Variants in PLEC observed in about 807,000 individuals in gnomAD.
The protein encoded by PLEC is plectin, also known as hemidesmosomal protein 1.
PLEC carries 216 observed loss-of-function variants against 392.8 expected under a neutral mutation model. The ratio of observed to expected loss-of-function variants is 0.55; its 90% confidence interval spans 0.49 to 0.62. The LOEUF is 0.62. PLEC is among the 20% of genes least tolerant of loss of function. The pLI, the probability that PLEC is intolerant of heterozygous loss-of-function variation, is 0.00. For synonymous variants in PLEC, 3,621 were observed against 2,980.6 expected (o/e 1.21, Z -7.00); for missense variants, 6,863 against 6,563.4 (o/e 1.05, Z -1.58).
chr8:143,923,116 C>T lies in PLEC; in HGVS notation c.6813G>A (p.Glu2271=). The T allele has an allele frequency of 6.2e-7, 1 of 1,605,172 alleles. No individual in the cohort carries two copies. The highest frequency in any genetic ancestry group is 8.5e-7 in the Non-Finnish European group (1 of 1,179,890). Residue 2271 remains glutamate (E), a synonymous_variant, in exon 31 of 32, where the codon GAG becomes GAA. Coordinates refer to ENST00000345136, the MANE Select transcript of PLEC (RefSeq NM_201384.3). ...NTQRFLQEEA[E]KMKQVAEEAA... Reference sequence around the variant, plus strand: ...CCTCCTCCGCCACCTGCTTCATCTTCTCAGCCTCCTCCTGCAGGAAGCGCT... The same window carrying T: ...CCTCCTCCGCCACCTGCTTCATCTTTTCAGCCTCCTCCTGCAGGAAGCGCT...
At chr8:143,973,530 G>A (rs1833544401), upstream of PLEC, 2 of 1,201,840 alleles carry the variant, frequency 1.7e-6, no homozygotes, top group Non-Finnish European at 2.1e-6. The surrounding 1 kb of genome is among the most constrained non-coding windows in gnomAD (Gnocchi z 5.6). Flanking sequence ...CGGCCACTCT[G>A]TCCCCGCGGC....
intron 11 of PLEC, 83 bp downstream of exon 11, chr8:143,934,235 G>C: frequency 1.3e-6 from 2 of 1,595,598 alleles, no homozygotes; most frequent in Non-Finnish European, 1.7e-6. Flanking sequence ...CCCCCGCCGG[G>C]GGCGGGGCGG....
intron 1 of PLEC, among the ~76,000 whole-genome samples, chr8:143,966,668 A>G (rs989629624): frequency 3.3e-5 from 5 of 152,052 alleles, no homozygotes; most frequent in African/African-American, 1.2e-4. Context: ...TACAAAAGTG[A>G]AGCAACACAT....
In PLEC at chr8:143,930,233, C is replaced by A; in HGVS notation, c.2523G>T (p.Val841=). 1 of 1,594,768 alleles carries A rather than the reference C, an allele frequency of 6.3e-7. No individual in the cohort carries two copies. The highest frequency in any genetic ancestry group is 8.5e-7 in the Non-Finnish European group (1 of 1,175,932). Residue 841 remains valine (V), a synonymous_variant, in exon 21 of 32, where the codon GTG becomes GTT. Transcript: ENST00000345136. ...VGPAQPSHWK[V]LSSSGSEAAV... Reference sequence around the variant, plus strand: ...CGGCCTCGCTGCCGGAGCTGCTGAGCACCTTCCAGTGGGACGGCTGTGCAG... The same window carrying A: ...CGGCCTCGCTGCCGGAGCTGCTGAGAACCTTCCAGTGGGACGGCTGTGCAG...
upstream of PLEC, chr8:143,975,298 G>A: frequency 1.2e-6 from 2 of 1,610,388 alleles, no homozygotes; most frequent in Non-Finnish European, 1.7e-6. The surrounding 1 kb of genome is among the most constrained non-coding windows in gnomAD (Gnocchi z 9.9). Context: ...TGTCCCCAGG[G>A]CTGGGCGAGC....
chr8:143,926,936 C>A (rs1554706231), intron 29 of PLEC, 41 bp downstream of exon 29: 8 of 1,605,002 alleles, frequency 5.0e-6, no homozygotes, highest in Non-Finnish European at 6.0e-6. Flanking sequence ...CAGCCAGAGG[C>A]CTGCCAGCCC....
intron 12 of PLEC, 50 bp from the exon 13 acceptor site, chr8:143,933,401 T>C (rs1180093104): frequency 1.9e-6 from 3 of 1,600,852 alleles, no homozygotes; most frequent in African/African-American, 1.3e-5. Context: ...CCCTCTGACC[T>C]CACAGGGGCC....
intron 6 of PLEC, 104 bp from the exon 7 acceptor site, chr8:143,935,417 AC>A: frequency 2.6e-6 from 2 of 778,768 alleles, no homozygotes; most frequent in East Asian, 2.6e-5. Flanking sequence ...GCAACCATGG[AC>A]CCCCCCAACA....
chr8:143,939,639 G>C, upstream of PLEC: 2 of 1,423,652 alleles, frequency 1.4e-6, no homozygotes, highest in Non-Finnish European at 1.8e-6. Flanking sequence ...TCCCCGGCGA[G>C]GCCGGCCCGC....
chr8:143,970,018 T>C (rs1199513579), intron 1 of PLEC, among the ~76,000 whole-genome samples: 1 of 152,040 alleles, frequency 6.6e-6, no homozygotes, highest in Non-Finnish European at 1.5e-5. Flanking sequence ...CAGGACCCCT[T>C]GCCAGCCCTG....
At position 143,950,588 on chromosome 8, in the gene PLEC, A is replaced by G. The variant is rs555539963; in HGVS notation, c.119T>C (p.Val40Ala). ...GACCTGCAGGTTGGTGACGCCGGGC[A>G]CATGGGGGTGCAAGCTGCGGGGCCG... The change falls in exon 1 of 32, where the codon GTG becomes GCG. Residue 40 changes from valine (V) to alanine (A), a missense_variant. By Grantham distance (64) the Val-to-Ala change is moderately conservative. Coordinates refer to the PLEC transcript ENST00000322810. 3.1e-6 allele frequency: 5 copies of G among 1,608,156 alleles called. No individual in the cohort carries two copies. The East Asian group carries it at 1.1e-4, about 36-fold the overall frequency.
In PLEC at chr8:143,934,329, G is replaced by C. The variant is rs201667254; in HGVS notation, c.1158C>G (p.Ser386Arg). 1.1e-3 allele frequency: 1,842 copies of C among 1,612,180 alleles called. 6 individuals carry two copies. The highest frequency in any genetic ancestry group is 4.8e-3 in the Middle Eastern group (29 of 6,000). Residue 386 changes from serine to arginine, a missense_variant, in exon 11 of 32, where the codon AGC becomes AGG. Coordinates refer to ENST00000345136, the MANE Select transcript of PLEC (RefSeq NM_201384.3). ...AGGGCCCCACCCACCTCTCAAACTC[G>C]CTGCGGAGCTGCTTCTCCCGCTCCA... The part of the protein sequence containing the change: ...AILEREKQLR[S>R]EFERLECLQR...
chr8:143,930,096 C>T (rs781787635), intron 21 of PLEC, 34 bp from the exon 22 acceptor site: 74 of 1,602,402 alleles, frequency 4.6e-5, no homozygotes, highest in East Asian at 2.7e-4. Flanking sequence ...GCGTCACCAG[C>T]GCCCCACCCG....
Position 143,973,133 on chromosome 8 carries a change from G to A in PLEC, c.70+270C>T, listed in dbSNP as rs1833513641. Among the ~76,000 whole-genome samples, 1 of 152,126 alleles carries A rather than the reference G, an allele frequency of 6.6e-6. No homozygotes were observed. Among genetic ancestry groups the A allele is most frequent in the Non-Finnish European group, 1.5e-5 (1 of 67,994 alleles). On this transcript the variant is annotated intron_variant, in intron 1 of 31. Coordinates refer to the PLEC transcript ENST00000356346. The surrounding 1 kb of genome is among the most constrained non-coding windows in gnomAD (Gnocchi z 5.6). Reference sequence around the variant, plus strand: ...GATCCTGGCTCAGACAGCCGACCCCGACAAGCCCTGAGCGCCCCCACCCGC... The same window carrying A: ...GATCCTGGCTCAGACAGCCGACCCCAACAAGCCCTGAGCGCCCCCACCCGC...
Position 143,922,048 on chromosome 8 carries a change from G to A in PLEC, c.7773C>T (p.Asn2591=). 6.3e-7 allele frequency: 1 copy of A among 1,594,048 alleles called. No individual in the cohort carries two copies. The highest frequency in any genetic ancestry group is 8.5e-7 in the Non-Finnish European group (1 of 1,178,192). ...GCTGCAGCTGCTCACGCAGCCTCTG[G>A]TTCTCCTCAGCCAGCAGCTCCTCCT... The part of the protein sequence containing the change: ...RQQEELLAEE[N]QRLREQLQLL... The change falls in exon 32 of 32, where the codon AAC becomes AAT. Residue 2591 remains asparagine (N), a synonymous_variant. Coordinates refer to ENST00000345136, the MANE Select transcript of PLEC (RefSeq NM_201384.3).
intron 13 of PLEC, 35 bp from the exon 14 acceptor site, chr8:143,933,146 G>A (rs782742682): frequency 1.2e-6 from 2 of 1,606,588 alleles, no homozygotes; most frequent in South Asian, 2.2e-5. Context: ...GGTGTTGGCG[G>A]GCCTGGGGCC....
At position 143,927,378 on chromosome 8, in the gene PLEC, C is replaced by T. The variant is rs199878792; in HGVS notation, c.3756+32G>A. ...CAGAGCCGTGGCCGCAGGGCACGCC[C>T]AGCCGCCCCGTCCCCACCGACCCAA... On this transcript the variant is annotated intron_variant, in intron 27 of 31. Transcript: ENST00000345136. The T allele has an allele frequency of 8.5e-3, 13,627 of 1,609,584 alleles. 82 individuals carry two copies. Among genetic ancestry groups the T allele is most frequent in the Non-Finnish European group, 9.7e-3 (11,468 of 1,179,186 alleles).
intron 18 of PLEC, 29 bp downstream of exon 18, chr8:143,931,908 C>A (rs1422472953): frequency 6.3e-7 from 1 of 1,577,992 alleles, no homozygotes. Flanking sequence ...GCCGCTGAGC[C>A]ACAGTGCGGA....
chr8:143,952,628 T>TC (rs1187908676), upstream of PLEC, among the ~76,000 whole-genome samples: 317 of 146,606 alleles, frequency 2.2e-3, no homozygotes, highest in African/African-American at 7.0e-3. Flanking sequence ...CCTAACCTAA[T>TC]CCCCCCCAGA....
Sources: allele counts gnomAD v4.1 joint callset (sites outside exome capture counted in the v4.1 genomes callset), GRCh38; gene constraint gnomAD v4.1.1; non-coding constraint Gnocchi (gnomAD v3.1); transcripts MANE v1.5; gene names NCBI Gene and HGNC (gene_info 2026-07-23, HGNC 2026-07-21).